The following UNC5D variants were observed in gnomAD, a reference collection of about 807,000 sequenced individuals.
The protein encoded by UNC5D is unc-5 netrin receptor D, also known as netrin receptor UNC5D.
A neutral mutation model predicts 105.4 loss-of-function variants in UNC5D; 39 were observed. The ratio of observed to expected loss-of-function variants is 0.37; its 90% CI spans 0.29 to 0.48. UNC5D has a LOEUF of 0.48. Among genes scored for constraint, UNC5D ranks in the 20% least tolerant of loss-of-function variants. The pLI is 0.98. For synonymous variants in UNC5D, 452 were observed against 450.4 expected (o/e 1.00, Z -0.04); for missense variants, 991 against 1,202.4 (o/e 0.82, Z 2.60).
chr8:35,579,151 TA>T (rs1818308336), intron 3 of UNC5D, among the ~76,000 whole-genome samples: 1 of 150,446 alleles, frequency 6.6e-6, no homozygotes, highest in South Asian at 2.1e-4. Flanking sequence ...AAACAGCTGA[TA>T]AGCAAAACAA....
intron 2 of UNC5D, among the ~76,000 whole-genome samples, chr8:35,561,665 T>A (rs1011302104): frequency 6.6e-6 from 1 of 152,296 alleles, no homozygotes; most frequent in East Asian, 1.9e-4. Flanking sequence ...ATTTCCAAGC[T>A]GAAAAAAATC....
intron 11 of UNC5D, among the ~76,000 whole-genome samples, chr8:35,733,713 G>A (rs1829313984): frequency 6.6e-6 from 1 of 152,158 alleles, no homozygotes; most frequent in Non-Finnish European, 1.5e-5. Context: ...CTGAGTTACA[G>A]CCCCAATATA....
intron 1 of UNC5D, among the ~76,000 whole-genome samples, chr8:35,484,741 A>G (rs1242099850): frequency 6.6e-6 from 1 of 152,170 alleles, no homozygotes; most frequent in East Asian, 1.9e-4. Flanking sequence ...AAAATCTAAA[A>G]TGAATTGAAT....
intron 1 of UNC5D, among the ~76,000 whole-genome samples, chr8:35,313,611 A>G (rs1809062071): frequency 6.6e-6 from 1 of 152,186 alleles, no homozygotes; most frequent in Non-Finnish European, 1.5e-5. Context: ...TAGTTATCAA[A>G]GCAGTATTTC....
chr8:35,315,239 A>C (rs1161674544), intron 1 of UNC5D, among the ~76,000 whole-genome samples: 2 of 152,180 alleles, frequency 1.3e-5, no homozygotes, highest in African/African-American at 4.8e-5. Flanking sequence ...ATCCAACCCC[A>C]TAACTTAGTA....
chr8:35,708,661 TG>T (rs1827752018), intron 8 of UNC5D, among the ~76,000 whole-genome samples: 1 of 152,202 alleles, frequency 6.6e-6, no homozygotes, highest in South Asian at 2.1e-4. Flanking sequence ...GAGTAGCAGC[TG>T]GTTTGGTAAG....
chr8:35,239,386 C>T (rs973571616), intron 1 of UNC5D, among the ~76,000 whole-genome samples: 1 of 152,026 alleles, frequency 6.6e-6, no homozygotes, highest in African/African-American at 2.4e-5. Flanking sequence ...AAATTTGTTT[C>T]TATTGTCCTC....
chr8:35,250,695 C>A (rs962932333), intron 1 of UNC5D, among the ~76,000 whole-genome samples: 3 of 152,072 alleles, frequency 2.0e-5, no homozygotes, highest in African/African-American at 7.2e-5. Flanking sequence ...CGGGGTTTCA[C>A]CATGTTGACC....
intron 16 of UNC5D, among the ~76,000 whole-genome samples, chr8:35,779,849 G>T (rs1394798571): frequency 1.3e-5 from 2 of 152,110 alleles, no homozygotes; most frequent in Non-Finnish European, 2.9e-5. Flanking sequence ...TCTTAAAACA[G>T]GCTACATGGC....
At chr8:35,622,364 AAAAC>A (rs555258573) in intron 4 of UNC5D, among the ~76,000 whole-genome samples, 24 of 151,594 alleles carry the variant, frequency 1.6e-4, no homozygotes, top group African/African-American at 5.6e-4. Flanking sequence ...ACAAACAAAC[AAAAC>A]AAACAAAAAA....
rs552839474 is a variant in UNC5D, at chr8:35,354,602, G to A, written c.103+118715G>A. ...GTACCTTTACTAAGGTGAGGGAGAT[G>A]TTCTGTTAATACCAGAAAAGCAGGT... On this transcript the variant is annotated intron_variant, in intron 1 of 16. Transcript: ENST00000404895. 3.9e-5 allele frequency among the ~76,000 whole-genome samples: 6 copies of A among 152,280 alleles called. 1 individual carries two copies. The highest frequency in any genetic ancestry group is 9.6e-5 in the African/African-American group (4 of 41,564).
chr8:35,329,770 C>T (rs1330445856), intron 1 of UNC5D, among the ~76,000 whole-genome samples: 2 of 152,162 alleles, frequency 1.3e-5, no homozygotes, highest in Non-Finnish European at 2.9e-5. Flanking sequence ...CCTTCCTTGC[C>T]CTTACCTCTA....
chr8:35,616,041 A>G (rs960811852), intron 4 of UNC5D, among the ~76,000 whole-genome samples: 1 of 152,222 alleles, frequency 6.6e-6, no homozygotes, highest in Non-Finnish European at 1.5e-5. Flanking sequence ...ATCCATTGAG[A>G]AACTGCTATC....
At chr8:35,693,471 G>A (rs1196089400) in intron 7 of UNC5D, among the ~76,000 whole-genome samples, 2 of 152,046 alleles carry the variant, frequency 1.3e-5, no homozygotes, top group African/African-American at 4.8e-5. Context: ...TGATGGATGC[G>A]TATTTCATAA....
At chr8:35,709,971 T>C (rs1827840694) in intron 8 of UNC5D, among the ~76,000 whole-genome samples, 1 of 152,184 alleles carries the variant, frequency 6.6e-6, no homozygotes, top group Non-Finnish European at 1.5e-5. Context: ...GAGTTTGTTA[T>C]AGGTCACTGT....
At chr8:35,355,492 T>C (rs796545813) in intron 1 of UNC5D, among the ~76,000 whole-genome samples, 50 of 152,258 alleles carry the variant, frequency 3.3e-4, no homozygotes, top group African/African-American at 1.2e-3. Context: ...TTATCCTTTC[T>C]TCCATAGAAG....
In UNC5D at chr8:35,270,329, G is replaced by A. The variant is rs117285178; in HGVS notation, c.103+34442G>A. ...GTGGTTATAGCTGTTTGTAGAGTTTGGTGCAAGATATTGCTGCACCTACTA... is the reference window on the plus strand; with the variant it reads ...GTGGTTATAGCTGTTTGTAGAGTTTAGTGCAAGATATTGCTGCACCTACTA... On this transcript the variant is annotated intron_variant, in intron 1 of 16. Coordinates refer to ENST00000404895, the MANE Select transcript of UNC5D (RefSeq NM_080872.4). 3.3e-4 allele frequency among the ~76,000 whole-genome samples: 50 copies of A among 152,182 alleles called. No homozygotes were observed. The East Asian group carries it at 6.6e-3, about 20-fold the overall frequency.
intron 5 of UNC5D, 103 bp from the exon 6 acceptor site, chr8:35,684,479 T>C (rs2131343421): frequency 7.1e-7 from 1 of 1,417,614 alleles, no homozygotes; most frequent in Non-Finnish European, 9.5e-7. Context: ...TCTCGGTCCC[T>C]GGATGCCTGA....
At chr8:35,244,971 A>T (rs1803001733) in intron 1 of UNC5D, among the ~76,000 whole-genome samples, 1 of 152,146 alleles carries the variant, frequency 6.6e-6, no homozygotes, top group South Asian at 2.1e-4. Flanking sequence ...AGCCATAATC[A>T]CTGCATTCCA....
Sources: allele counts gnomAD v4.1 joint callset (sites outside exome capture counted in the v4.1 genomes callset), GRCh38; gene constraint gnomAD v4.1.1; transcripts MANE v1.5; gene names NCBI Gene and HGNC (gene_info 2026-07-23, HGNC 2026-07-21).